DOCK8: variants seen among roughly 807,000 people sequenced by gnomAD.
DOCK8 encodes the protein dedicator of cytokinesis protein 8.
DOCK8 carries 141 observed loss-of-function variants against 245.6 expected under a neutral mutation model. The observed-to-expected ratio is 0.57, with a 90% CI of 0.50 to 0.66. The LOEUF (loss-of-function observed/expected upper bound fraction) is 0.66, where lower values mean the gene tolerates loss of function less well. DOCK8 is among the 30% of genes least tolerant of loss of function. The probability of loss-of-function intolerance (pLI) is 0.00; values close to 1 mark genes in which losing one functional copy is unlikely to be tolerated. For missense variants in DOCK8, 2,965 were observed against 2,603.4 expected (o/e 1.14, Z -3.02); for synonymous variants, 1,168 against 970.2 (o/e 1.20, Z -3.79).
chr9:364,641 G>GAAAAAAAAA (rs34033459), intron 14 of DOCK8, among the ~76,000 whole-genome samples: 1 of 84,500 alleles, frequency 1.2e-5, no homozygotes, highest in African/African-American at 4.4e-5. Flanking sequence ...CTCAAAAATT[G>GAAAAAAAAA]AAAAAAAAAA....
intron 7 of DOCK8, 86 bp from the exon 8 acceptor site, chr9:325,585 A>T (rs1409861007): frequency 9.2e-7 from 1 of 1,090,386 alleles, no homozygotes; most frequent in Non-Finnish European, 1.4e-6. Flanking sequence ...TCATATTTTT[A>T]ACCAGTTTAT....
chr9:287,428 A>G (rs1335556747), intron 3 of DOCK8, among the ~76,000 whole-genome samples: 1 of 152,224 alleles, frequency 6.6e-6, no homozygotes, highest in East Asian at 1.9e-4. Context: ...CCAAATTAAG[A>G]TTCATATCCT....
intron 46 of DOCK8, 103 bp from the exon 47 acceptor site, chr9:463,414 C>T (rs1019829165): frequency 1.9e-5 from 28 of 1,441,846 alleles, no homozygotes; most frequent in Admixed American, 5.5e-5. Flanking sequence ...AGTTTGAAAA[C>T]GTTCTTAAAG....
In DOCK8 at chr9:434,783, A is replaced by G; in HGVS notation, c.4887A>G (p.Arg1629=). Residue 1629 remains arginine (R), a splice_region_variant and synonymous_variant, in exon 39 of 48, where the codon AGA becomes AGG. Transcript: ENST00000432829. ...DPEMLMDLMY[R]IAKSYQASPD... is the part of the protein sequence containing the mutation. Reference sequence around the variant, plus strand: ...TACTTCTCACTCAATCTGTCTTCAGAATTGCCAAGAGTTACCAGGCATCTC... The same window carrying G: ...TACTTCTCACTCAATCTGTCTTCAGGATTGCCAAGAGTTACCAGGCATCTC... 1.2e-6 allele frequency: 2 copies of G among 1,614,028 alleles called. No homozygotes were observed. The highest frequency in any genetic ancestry group is 1.7e-6 in the Non-Finnish European group (2 of 1,180,038).
intron 15 of DOCK8, 88 bp downstream of exon 15, chr9:368,223 A>G (rs766549218): frequency 8.9e-6 from 10 of 1,127,132 alleles, no homozygotes; most frequent in South Asian, 1.2e-5. Context: ...ATCAGTGTAC[A>G]AAGTCCGTCT....
Position 262,116 on chromosome 9 carries a change from G to A in DOCK8, c.54-9511G>A, listed in dbSNP as rs2047932958. 2.0e-5 allele frequency among the ~76,000 whole-genome samples: 3 copies of A among 151,974 alleles called. No homozygotes were observed. The South Asian group carries it at 6.2e-4, about 32-fold the overall frequency. ...AAAGTTAAATATAAATAAATAAAGTGTCTCTTCATGAAAACTTTCTTAGCA... is the reference window on the plus strand; with the variant it reads ...AAAGTTAAATATAAATAAATAAAGTATCTCTTCATGAAAACTTTCTTAGCA... On this transcript the variant is annotated intron_variant, in intron 1 of 47. Transcript: ENST00000432829.
intron 22 of DOCK8, among the ~76,000 whole-genome samples, chr9:383,953 A>G (rs1481861165): frequency 3.3e-5 from 5 of 152,192 alleles, no homozygotes; most frequent in Non-Finnish European, 5.9e-5. Flanking sequence ...TAGTGAACCA[A>G]TATTCATGGA....
At chr9:369,982 T>C (rs2053209820) in intron 15 of DOCK8, 1 of 523,552 alleles carries the variant, frequency 1.9e-6, no homozygotes, top group Non-Finnish European at 3.5e-6. Flanking sequence ...TTGTATTTTT[T>C]TGTAGAGATG....
At chr9:335,059 G>T (rs1004193497) in intron 11 of DOCK8, among the ~76,000 whole-genome samples, 4 of 151,972 alleles carry the variant, frequency 2.6e-5, no homozygotes, top group African/African-American at 9.7e-5. Context: ...TCCAGCCTGG[G>T]CAACAGAGCA....
intron 39 of DOCK8, among the ~76,000 whole-genome samples, chr9:438,742 G>A (rs1333355419): frequency 1.3e-5 from 2 of 152,216 alleles, no homozygotes; most frequent in Admixed American, 6.5e-5. Flanking sequence ...AGTAACTGCT[G>A]CAATGCCATG....
At chr9:288,713 A>G (rs1310847201) in intron 3 of DOCK8, among the ~76,000 whole-genome samples, 1 of 152,194 alleles carries the variant, frequency 6.6e-6, no homozygotes, top group East Asian at 1.9e-4. Context: ...GGGTTGAGTG[A>G]CTGGCTTATG....
rs528535876 is a variant in DOCK8, at chr9:346,893, G to A, written c.1679+6572G>A. 3.9e-5 allele frequency among the ~76,000 whole-genome samples: 6 copies of A among 152,154 alleles called. No individual in the cohort carries two copies. The East Asian group carries it at 7.7e-4, about 20-fold the overall frequency. On this transcript the variant is annotated intron_variant, in intron 14 of 47. Coordinates refer to ENST00000432829, the MANE Select transcript of DOCK8 (RefSeq NM_203447.4). ...AAATGAACCAGAAATAACTGCAAACGAAGTGGTTAGGAAGAGGGGCAGGAC... is the reference window on the plus strand; with the variant it reads ...AAATGAACCAGAAATAACTGCAAACAAAGTGGTTAGGAAGAGGGGCAGGAC...
In DOCK8 at chr9:323,652, C is replaced by T. The variant is rs187518222; in HGVS notation, c.828-2019C>T. Among the ~76,000 whole-genome samples, 278 of 152,290 alleles carry T rather than the reference C, an allele frequency of 1.8e-3. 3 individuals carry two copies. Among genetic ancestry groups the T allele is most frequent in the Admixed American group, 0.012 (183 of 15,288 alleles). ...AAACTGAAACTCTGTACCCGTTAAACAATAACTCCTTATTCTCCCTACTCC... is the reference window on the plus strand; with the variant it reads ...AAACTGAAACTCTGTACCCGTTAAATAATAACTCCTTATTCTCCCTACTCC... On this transcript the variant is annotated intron_variant, in intron 7 of 47. Transcript: ENST00000432829.
intron 7 of DOCK8, among the ~76,000 whole-genome samples, chr9:319,180 G>A (rs7872761): frequency 0.021 from 3,262 of 152,240 alleles, 122 homozygotes; most frequent in African/African-American, 0.074. Context: ...TACATTGGGA[G>A]GCTGAGGTGG....
At position 452,126 on chromosome 9, in the gene DOCK8, GA is replaced by G; in HGVS notation, c.6068+13del. 2.5e-6 allele frequency: 4 copies of G among 1,573,816 alleles called. No individual in the cohort carries two copies. Among genetic ancestry groups the G allele is most frequent in the Non-Finnish European group, 3.5e-6 (4 of 1,144,564 alleles). The stretch of plus-strand genomic sequence containing the variant: ...AAGGAATTCATCATGAGGTAAGAAG[GA>G]AAATGGCTGGGAATTTCAGTAGAGC... On this transcript the variant is annotated intron_variant, in intron 46 of 47. Transcript: ENST00000432829.
chr9:393,200 A>T (rs2054286224), intron 24 of DOCK8, among the ~76,000 whole-genome samples: 1 of 151,650 alleles, frequency 6.6e-6, no homozygotes, highest in African/African-American at 2.4e-5. Flanking sequence ...GGAATTCAGC[A>T]TTGCTTATTC....
intron 26 of DOCK8, among the ~76,000 whole-genome samples, chr9:403,813 C>T (rs1291603032): frequency 2.0e-5 from 3 of 147,482 alleles, no homozygotes; most frequent in African/African-American, 5.0e-5. Context: ...TGCAGTGAGC[C>T]GAGATCATGC....
At position 420,096 on chromosome 9, in the gene DOCK8, C is replaced by T. The variant is rs376556515; in HGVS notation, c.3841-305C>T. The T allele has an allele frequency of 1.9e-4, 84 of 449,010 alleles. 2 individuals carry two copies. Among genetic ancestry groups the T allele is most frequent in the South Asian group, 7.9e-4 (38 of 47,986 alleles). 27.8% of individuals were successfully genotyped at this position (449,010 alleles called of 1,614,324 possible). A position where few individuals can be genotyped will look rare whatever the true frequency, so the allele number is the denominator to read the frequency against. ...GGATTGCAGCACGCATGATCAAGGC[C>T]CAGGGGTGATCACCAGGCCACACTG... On this transcript the variant is annotated intron_variant, in intron 30 of 47. Coordinates refer to ENST00000432829, the MANE Select transcript of DOCK8 (RefSeq NM_203447.4).
chr9:443,426 GGC>G lies in DOCK8; in HGVS notation c.5491_5492del (p.Ala1831IlefsTer15). 1 of 1,613,804 alleles carries G rather than the reference GGC, an allele frequency of 6.2e-7. No homozygotes were observed. The highest frequency in any genetic ancestry group is 8.5e-7 in the Non-Finnish European group (1 of 1,179,800). ...ATAAACTGTTGGTTCTTCTTACCTA[GGC>G]ATTTTATGGTCAATGTTTTGGTGCA... The part of the protein sequence containing the change: ...KLPEISHRLE[A>X]FYGQCFGAEF... On this transcript the variant is annotated frameshift_variant and splice_region_variant, in exon 43 of 48. Coordinates refer to ENST00000432829, the MANE Select transcript of DOCK8 (RefSeq NM_203447.4). LOFTEE classifies it high-confidence loss of function.
Sources: gnomAD v4.1 joint callset for allele counts (sites outside exome capture counted in the v4.1 genomes callset) on GRCh38, gnomAD v4.1.1 for gene constraint, MANE v1.5 for transcripts, NCBI Gene and HGNC (gene_info 2026-07-23, HGNC 2026-07-21) for gene names.